The following ZNF577 variants were observed in gnomAD, a reference collection of about 807,000 sequenced individuals.
ZNF577 encodes zinc finger protein 577.
In ZNF577, 14 loss-of-function variants were observed where a neutral mutation model predicts 13.9. That is an observed-to-expected ratio of 1.00 (90% CI 0.66 to 1.57). The LOEUF (loss-of-function observed/expected upper bound fraction) is 1.57, where lower values mean the gene tolerates loss of function less well. Ranked by LOEUF, ZNF577 falls within the 40% of genes most tolerant of loss-of-function variation. The probability of loss-of-function intolerance (pLI) is 0.00; values close to 1 mark genes in which losing one functional copy is unlikely to be tolerated. For synonymous variants in ZNF577, 203 were observed against 202.9 expected (o/e 1.00, Z 0.00); for missense variants, 555 against 579.2 (o/e 0.96, Z 0.43).
chr19:51,872,425 C>A lies in ZNF577; in HGVS notation c.*107G>T. The A allele has an allele frequency of 1.1e-6, 1 of 941,748 alleles. No individual in the cohort carries two copies. The highest frequency in any genetic ancestry group is 1.5e-6 in the Non-Finnish European group (1 of 651,082). The allele number at this position is 941,748 out of a possible 1,614,324, so 58.3% of individuals were successfully genotyped here. A position where few individuals can be genotyped will look rare whatever the true frequency, so the allele number is the denominator to read the frequency against. ...GTTTGACTTCTCACAGAAATGTCCT[C>A]CACAACCACTGCCTCCACAGTGTTT... On this transcript the variant is annotated 3_prime_UTR_variant, in exon 6 of 6. Transcript: ENST00000638348.
rs1174847042 is a variant in ZNF577, at chr19:51,871,113, C to G, written c.*1419G>C. ...TGAAGTATGTTAGTTTCTTTTCCCC[C>G]CTTTTTTAGAGTCAGAGTCTTATTC... On this transcript the variant is annotated 3_prime_UTR_variant, in exon 6 of 6. Transcript: ENST00000638348. Among the ~76,000 whole-genome samples the G allele has an allele frequency of 1.3e-5, 2 of 151,974 alleles. No individual in the cohort carries two copies. Among genetic ancestry groups the G allele is most frequent in the Non-Finnish European group, 2.9e-5 (2 of 67,954 alleles).
chr19:51,887,000 GTTCTT>G lies in ZNF577; in HGVS notation c.-403_-399del, dbSNP rs2084956799. ...ATAAACATATATATTTTTAACTTCT[GTTCTT>G]GTCAACTAAGTAAAATTAGGAACAA... On this transcript the variant is annotated 5_prime_UTR_variant, in exon 1 of 6. Coordinates refer to ENST00000638348, the MANE Select transcript of ZNF577 (RefSeq NM_001370449.1). 4.6e-5 allele frequency: 7 copies of G among 152,192 alleles called. No homozygotes were observed. The South Asian group carries it at 1.5e-3, about 32-fold the overall frequency. 9.4% of individuals were successfully genotyped at this position (152,192 alleles called of 1,614,324 possible).
At chr19:51,823,732 G>C (rs1165139650) in intron 9 of ZNF577, 2 of 1,555,918 alleles carry the variant, frequency 1.3e-6, no homozygotes, top group East Asian at 4.5e-5. Context: ...TTGCTGAAAT[G>C]TTTCAGGTGT....
chr19:51,868,719 G>A lies in ZNF577; in HGVS notation c.*3813C>T, dbSNP rs952909617. Among the ~76,000 whole-genome samples the A allele has an allele frequency of 6.6e-6, 1 of 152,168 alleles. No homozygotes were observed. The highest frequency in any genetic ancestry group is 2.4e-5 in the African/African-American group (1 of 41,434). On this transcript the variant is annotated 3_prime_UTR_variant, in exon 6 of 6. Transcript: ENST00000638348. ...AATTCACTCATGTGTGTGGGGGAAA[G>A]AAAGATAGATCAGACTGCTACTGTG...
intron 9 of ZNF577, among the ~76,000 whole-genome samples, chr19:51,831,872 C>A (rs1015696607): frequency 1.3e-5 from 2 of 152,202 alleles, no homozygotes; most frequent in African/African-American, 4.8e-5. Flanking sequence ...TTTGTACTAA[C>A]TGTTGTCCTG....
chr19:51,829,416 G>A (rs1427243674), intron 9 of ZNF577, among the ~76,000 whole-genome samples: 3 of 151,592 alleles, frequency 2.0e-5, no homozygotes, highest in African/African-American at 7.3e-5. Context: ...CAGGTTCCGA[G>A]GCCTAAGTAA....
chr19:51,882,047 A>G (rs17778711), intron 1 of ZNF577, among the ~76,000 whole-genome samples: 16,860 of 152,050 alleles, frequency 0.11, 995 homozygotes, highest in East Asian at 0.22. Context: ...TCTACCTTCA[A>G]TCCTGAGACC....
chr19:51,824,068 T>A lies in ZNF577; in HGVS notation c.*600-12394A>T, dbSNP rs766122928. The stretch of plus-strand genomic sequence containing the variant: ...AAGTTAGTTCATGTTATGATAGACA[T>A]CAACCTGTTTGTCAGTGTCTACCTG... On this transcript the variant is annotated intron_variant and NMD_transcript_variant, in intron 9 of 10. Transcript: ENST00000638827. The surrounding 1 kb of genome is among the most constrained non-coding windows in gnomAD (Gnocchi z 4.7). The A allele has an allele frequency of 1.1e-5, 18 of 1,614,042 alleles. 1 individual carries two copies. The highest frequency in any genetic ancestry group is 5.1e-6 in the Non-Finnish European group (6 of 1,180,012).
rs10409620 is a variant in ZNF577, at chr19:51,867,923, A to G, written c.*4609T>C. ...CCCCACCCCTAAATACAGATACAGA[A>G]AAAGGCAATGAGAACCTGGAATGTC... On this transcript the variant is annotated 3_prime_UTR_variant, in exon 6 of 6. Coordinates refer to ENST00000638348, the MANE Select transcript of ZNF577 (RefSeq NM_001370449.1). Among the ~76,000 whole-genome samples the G allele has an allele frequency of 0.33, 50,931 of 152,092 alleles. 10,051 individuals are homozygous for G. Among genetic ancestry groups the G allele is most frequent in the African/African-American group, 0.54 (22,581 of 41,460 alleles).
intron 4 of ZNF577, chr19:51,877,687 CAT>C (rs1447154489): frequency 4.3e-6 from 1 of 233,802 alleles, no homozygotes; most frequent in Non-Finnish European, 8.3e-6. Context: ...ATGGTACTGA[CAT>C]TGTGGAAAAC....
intron 9 of ZNF577, among the ~76,000 whole-genome samples, chr19:51,837,055 A>G (rs565856437): frequency 1.7e-4 from 24 of 145,318 alleles, no homozygotes; most frequent in Admixed American, 2.1e-4. Flanking sequence ...AAAAAAAAAA[A>G]AAAAGAAAAG....
Position 51,869,950 on chromosome 19 carries a change from G to C in ZNF577, c.*2582C>G, listed in dbSNP as rs561869289. ...GCAAAGAGGGGCTAAACACCGGGTA[G>C]ACTACACTGCACAAATTCAGCTGAG... On this transcript the variant is annotated 3_prime_UTR_variant, in exon 6 of 6. Transcript: ENST00000638348. 4.6e-5 allele frequency among the ~76,000 whole-genome samples: 7 copies of C among 152,150 alleles called. No individual in the cohort carries two copies. Among genetic ancestry groups the C allele is most frequent in the Non-Finnish European group, 8.8e-5 (6 of 68,020 alleles).
At chr19:51,884,439 A>G (rs922523679) in intron 1 of ZNF577, among the ~76,000 whole-genome samples, 1 of 152,184 alleles carries the variant, frequency 6.6e-6, no homozygotes, top group Non-Finnish European at 1.5e-5. Flanking sequence ...ATATGAATTG[A>G]TAACCATTGA....
At chr19:51,852,254 G>A (rs1051978739) in intron 5 of ZNF577, among the ~76,000 whole-genome samples, 5 of 152,204 alleles carry the variant, frequency 3.3e-5, no homozygotes, top group African/African-American at 7.2e-5. Context: ...ACCAGACAGC[G>A]TGCTGGCCAT....
In ZNF577 at chr19:51,868,468, C is replaced by A. The variant is rs2084601067; in HGVS notation, c.*4064G>T. Among the ~76,000 whole-genome samples the A allele has an allele frequency of 6.6e-6, 1 of 152,162 alleles. No individual in the cohort carries two copies. Among genetic ancestry groups the A allele is most frequent in the Non-Finnish European group, 1.5e-5 (1 of 68,024 alleles). On this transcript the variant is annotated 3_prime_UTR_variant, in exon 6 of 6. Coordinates refer to ENST00000638348, the MANE Select transcript of ZNF577 (RefSeq NM_001370449.1). ...ACATGTCCCACACAACAATGGGATT[C>A]TGTAGGACTGCTTCCCACCTCAGCC...
intron 5 of ZNF577, chr19:51,860,437 C>A (rs1230674182): frequency 6.6e-6 from 1 of 152,486 alleles, no homozygotes; most frequent in African/African-American, 2.4e-5. Context: ...TTTATACCTG[C>A]ATTGAACCTA....
Position 51,887,301 on chromosome 19 carries a change from T to C in ZNF577, c.-699A>G, listed in dbSNP as rs962650670. On this transcript the variant is annotated 5_prime_UTR_variant, in exon 1 of 6. The change creates a new upstream start codon in the 5' untranslated region. Transcript: ENST00000638348. ...TAAAAAACTCTCAAAGAGCATGTAATATGGGAATACGAAGTTGACAAGATG... is the reference window on the plus strand; with the variant it reads ...TAAAAAACTCTCAAAGAGCATGTAACATGGGAATACGAAGTTGACAAGATG... 2 of 152,176 alleles carry C rather than the reference T, an allele frequency of 1.3e-5. No homozygotes were observed. Among genetic ancestry groups the C allele is most frequent in the Non-Finnish European group, 2.9e-5 (2 of 68,034 alleles). 9.4% of individuals were successfully genotyped at this position (152,176 alleles called of 1,614,324 possible). A position where few individuals can be genotyped will look rare whatever the true frequency, so the allele number is the denominator to read the frequency against.
chr19:51,821,052 C>G (rs1399429186), intron 9 of ZNF577, among the ~76,000 whole-genome samples: 2 of 152,150 alleles, frequency 1.3e-5, no homozygotes, highest in Non-Finnish European at 2.9e-5. Context: ...GGATTGAGCC[C>G]CATGACACAG....
Position 51,887,288 on chromosome 19 carries a change from A to C in ZNF577, c.-686T>G, listed in dbSNP as rs1223395250. 1.3e-5 allele frequency: 2 copies of C among 152,238 alleles called. No homozygotes were observed. Among genetic ancestry groups the C allele is most frequent in the African/African-American group, 4.8e-5 (2 of 41,468 alleles). 9.4% of individuals were successfully genotyped at this position (152,238 alleles called of 1,614,324 possible). ...AACTGCAGCAATTTAAAAAACTCTC[A>C]AAGAGCATGTAATATGGGAATACGA... is the stretch of plus-strand genomic sequence containing the variant. On this transcript the variant is annotated 5_prime_UTR_variant, in exon 1 of 6. Coordinates refer to ENST00000638348, the MANE Select transcript of ZNF577 (RefSeq NM_001370449.1).
Sources: allele counts gnomAD v4.1 joint callset (sites outside exome capture counted in the v4.1 genomes callset), GRCh38; gene constraint gnomAD v4.1.1; non-coding constraint Gnocchi (gnomAD v3.1); transcripts MANE v1.5; gene names NCBI Gene and HGNC (gene_info 2026-07-23, HGNC 2026-07-21).